The following HIP1 variants were observed in gnomAD, a reference collection of about 807,000 sequenced individuals.
HIP1 encodes the protein huntingtin-interacting protein 1.
A neutral mutation model predicts 147.6 loss-of-function variants in HIP1; 65 were observed. That is an observed-to-expected ratio of 0.44 (90% CI 0.36 to 0.54). The LOEUF (loss-of-function observed/expected upper bound fraction) is 0.54. Ranked by LOEUF, HIP1 falls within the 20% of genes least tolerant of loss-of-function variation. The pLI, the probability that HIP1 is intolerant of heterozygous loss-of-function variation, is 0.00. For missense variants in HIP1, 1,061 were observed against 1,299.6 expected (o/e 0.82, Z 2.82); for synonymous variants, 479 against 504.0 (o/e 0.95, Z 0.67).
chr7:75,718,167 T>TA (rs1225120660), intron 1 of HIP1, among the ~76,000 whole-genome samples: 16 of 150,796 alleles, frequency 1.1e-4, no homozygotes, highest in South Asian at 2.1e-4. Flanking sequence ...AGCCTTATGG[T>TA]AAAAAAAATA....
intron 1 of HIP1, among the ~76,000 whole-genome samples, chr7:75,610,222 T>A (rs13222808): frequency 0.042 from 5,804 of 136,662 alleles, 139 homozygotes; most frequent in Middle Eastern, 0.076. Flanking sequence ...TTTTTTTTTT[T>A]ATAAGAAACA....
Position 75,535,915 on chromosome 7 carries a change from T to C in HIP1, c.*2257A>G, listed in dbSNP as rs1794065338. ...TTTAGTAGAGATGGGGGTTTCACCA[T>C]GTTGGACAGGCTGGTCTTGAACTCC... On this transcript the variant is annotated 3_prime_UTR_variant, in exon 31 of 31. Coordinates refer to ENST00000336926, the MANE Select transcript of HIP1 (RefSeq NM_005338.7). 1 of 173,026 alleles carries C rather than the reference T, an allele frequency of 5.8e-6. No homozygotes were observed. The highest frequency in any genetic ancestry group is 2.4e-5 in the African/African-American group (1 of 41,958). 10.7% of individuals were successfully genotyped at this position (173,026 alleles called of 1,614,324 possible).
At chr7:75,684,638 A>G (rs1226283962) in intron 1 of HIP1, among the ~76,000 whole-genome samples, 5 of 152,010 alleles carry the variant, frequency 3.3e-5, no homozygotes, top group South Asian at 2.1e-4. Flanking sequence ...CACTGTACCA[A>G]CGTATTTGGC....
At chr7:75,663,968 A>ATACACACATATGTGCATACATG in intron 1 of HIP1, among the ~76,000 whole-genome samples, 13 of 24,244 alleles carry the variant, frequency 5.4e-4, no homozygotes, top group Admixed American at 1.2e-3. Context: ...GTGTATATAT[A>ATACACACATATGTGCATACATG]TATACACATA....
chr7:75,648,715 G>A (rs1425278465), intron 1 of HIP1, among the ~76,000 whole-genome samples: 1 of 152,116 alleles, frequency 6.6e-6, no homozygotes, highest in East Asian at 1.9e-4. Flanking sequence ...CAAGAAGGGG[G>A]CAAGGAGAGA....
chr7:75,575,577 T>A (rs1346477679), intron 7 of HIP1, among the ~76,000 whole-genome samples: 2 of 152,126 alleles, frequency 1.3e-5, no homozygotes, highest in Non-Finnish European at 2.9e-5. Context: ...TCAACAAAAA[T>A]AGAAGTCTTG....
At chr7:75,649,189 T>TA (rs1798898816) in intron 1 of HIP1, among the ~76,000 whole-genome samples, 1 of 152,140 alleles carries the variant, frequency 6.6e-6, no homozygotes, top group East Asian at 1.9e-4. Context: ...CACACCCAGC[T>TA]AATTTTGTAT....
At chr7:75,576,409 G>A (rs1795847524) in intron 7 of HIP1, among the ~76,000 whole-genome samples, 1 of 152,182 alleles carries the variant, frequency 6.6e-6, no homozygotes, top group Non-Finnish European at 1.5e-5. Context: ...GTCAGTGGGT[G>A]TCAAAAGTCT....
intron 7 of HIP1, among the ~76,000 whole-genome samples, chr7:75,575,784 C>T (rs1260379385): frequency 2.0e-5 from 3 of 152,100 alleles, no homozygotes; most frequent in Non-Finnish European, 2.9e-5. Context: ...ACTCTGCACG[C>T]GGCGGGCAAT....
At chr7:75,619,950 C>T (rs145814459) in intron 1 of HIP1, among the ~76,000 whole-genome samples, 5 of 152,308 alleles carry the variant, frequency 3.3e-5, no homozygotes, top group East Asian at 1.9e-4. Flanking sequence ...ACCGTGATCA[C>T]GGGTAACAGA....
In HIP1 at chr7:75,738,899, T is replaced by C; in HGVS notation, c.22A>G (p.Met8Val). Reference protein sequence around the residue: MDRMASSMKQVPNPLPKV... With the variant: MDRMASSVKQVPNPLPKV... Reference sequence around the variant, plus strand: ...GGCAGTGGGTTGGGCACCTGCTTCATGGAGCTGGCCATCCGATCCATGTCG... The same window carrying C: ...GGCAGTGGGTTGGGCACCTGCTTCACGGAGCTGGCCATCCGATCCATGTCG... Residue 8 changes from methionine (M) to valine (V), a missense_variant, in exon 1 of 31, where the codon ATG becomes GTG. Around this residue, in one of 3 missense-constraint regions of HIP1, gnomAD observed 225 missense variants for 292.9 expected, o/e 0.77. Transcript: ENST00000336926. The C allele has an allele frequency of 6.4e-7, 1 of 1,559,814 alleles. No individual in the cohort carries two copies. Among genetic ancestry groups the C allele is most frequent in the South Asian group, 1.2e-5 (1 of 85,098 alleles).
At chr7:75,637,661 G>A (rs1798473322) in intron 1 of HIP1, among the ~76,000 whole-genome samples, 1 of 144,636 alleles carries the variant, frequency 6.9e-6, no homozygotes, top group South Asian at 2.2e-4. Context: ...GCCCAACCAT[G>A]AACAGGTATT....
intron 1 of HIP1, among the ~76,000 whole-genome samples, chr7:75,631,352 A>G (rs1400154529): frequency 6.6e-6 from 1 of 152,148 alleles, no homozygotes; most frequent in Non-Finnish European, 1.5e-5. Context: ...GCGAGGAAAC[A>G]GTATGAGGAG....
At chr7:75,732,683 C>G (rs1278493698) in intron 1 of HIP1, among the ~76,000 whole-genome samples, 1 of 152,162 alleles carries the variant, frequency 6.6e-6, no homozygotes, top group African/African-American at 2.4e-5. Context: ...GCCCGGCTCA[C>G]CCAAAGAGAT....
At chr7:75,652,349 T>C (rs185633200) in intron 1 of HIP1, among the ~76,000 whole-genome samples, 2 of 151,640 alleles carry the variant, frequency 1.3e-5, no homozygotes, top group East Asian at 3.9e-4. Flanking sequence ...TGTATGTTAA[T>C]TTTTTCATTG....
intron 1 of HIP1, among the ~76,000 whole-genome samples, chr7:75,678,287 C>G (rs370016989): frequency 6.7e-6 from 1 of 150,370 alleles, no homozygotes; most frequent in Non-Finnish European, 1.5e-5. Flanking sequence ...GCAAGAGATA[C>G]TTTGCTCAAG....
chr7:75,630,948 AT>A (rs1798190063), intron 1 of HIP1, among the ~76,000 whole-genome samples: 1 of 152,002 alleles, frequency 6.6e-6, no homozygotes, highest in African/African-American at 2.4e-5. Flanking sequence ...CAAGTACTGT[AT>A]TTTGTATTTT....
Position 75,535,778 on chromosome 7 carries a change from C to T in HIP1, c.*2394G>A. The T allele has an allele frequency of 5.9e-6, 1 of 170,420 alleles. No individual in the cohort carries two copies. The highest frequency in any genetic ancestry group is 1.1e-4 in the East Asian group (1 of 9,210). 10.6% of individuals were successfully genotyped at this position (170,420 alleles called of 1,614,324 possible). On this transcript the variant is annotated 3_prime_UTR_variant, in exon 31 of 31. Coordinates refer to ENST00000336926, the MANE Select transcript of HIP1 (RefSeq NM_005338.7). ...CCAGGCTGGAGTACAATGGCGTGAT[C>T]TCAGCTCACTGCAACCTCTGCCTCT...
Position 75,668,944 on chromosome 7 carries a change from G to A in HIP1, c.121-69697C>T, listed in dbSNP as rs559789568. Among the ~76,000 whole-genome samples, 29 of 152,254 alleles carry A rather than the reference G, an allele frequency of 1.9e-4. No homozygotes were observed. In the East Asian group the frequency reaches 4.8e-3, roughly 25 times the overall value. On this transcript the variant is annotated intron_variant, in intron 1 of 30. Coordinates refer to ENST00000336926, the MANE Select transcript of HIP1 (RefSeq NM_005338.7). ...CCCCAAAAAGAAAACCTGGCTGGGCGCGGTGGCTCACGCCTGTAATCCCAG... is the reference window on the plus strand; with the variant it reads ...CCCCAAAAAGAAAACCTGGCTGGGCACGGTGGCTCACGCCTGTAATCCCAG...
Sources: gnomAD v4.1 joint callset for allele counts (sites outside exome capture counted in the v4.1 genomes callset) on GRCh38, gnomAD v4.1.1 for gene constraint, gnomAD v4.1.1 regional missense constraint, MANE v1.5 for transcripts, NCBI Gene and HGNC (gene_info 2026-07-23, HGNC 2026-07-21) for gene names.